MAGI2: variants seen among roughly 807,000 people sequenced by gnomAD.
MAGI2 encodes membrane-associated guanylate kinase, WW and PDZ domain-containing protein 2.
MAGI2 carries 35 observed loss-of-function variants against 133.3 expected under a neutral mutation model. That is an observed-to-expected ratio of 0.26 (90% confidence interval 0.20 to 0.35). The LOEUF is 0.35. Ranked by LOEUF, MAGI2 falls within the 10% of genes least tolerant of loss-of-function variation. The pLI is 1.00. For missense variants in MAGI2, 1,636 were observed against 1,863.4 expected (o/e 0.88, Z 2.25); for synonymous variants, 729 against 710.6 (o/e 1.03, Z -0.41).
At chr7:79,118,792 T>TC (rs1388946777) in intron 1 of MAGI2, among the ~76,000 whole-genome samples, 21 of 152,090 alleles carry the variant, frequency 1.4e-4, no homozygotes, top group African/African-American at 5.1e-4. Flanking sequence ...CCATGACTAC[T>TC]CCCCCAAGCA....
intron 1 of MAGI2, among the ~76,000 whole-genome samples, chr7:79,368,819 G>C (rs1842886587): frequency 7.7e-6 from 1 of 130,266 alleles, no homozygotes; most frequent in African/African-American, 2.9e-5. Flanking sequence ...CTGCACTCCA[G>C]CCTGGGCGAC....
intron 1 of MAGI2, among the ~76,000 whole-genome samples, chr7:79,425,183 C>T (rs1847251512): frequency 6.6e-6 from 1 of 150,494 alleles, no homozygotes; most frequent in Non-Finnish European, 1.5e-5. Context: ...ACCCAGGCAT[C>T]GGAGGTTGCA....
At chr7:79,076,259 T>C (rs986263799) in intron 1 of MAGI2, among the ~76,000 whole-genome samples, 2 of 152,276 alleles carry the variant, frequency 1.3e-5, no homozygotes, top group African/African-American at 4.8e-5. Flanking sequence ...TACTAACTAG[T>C]TTAGTTTTAA....
intron 1 of MAGI2, among the ~76,000 whole-genome samples, chr7:79,231,897 T>G (rs142589483): frequency 0.6 from 91,745 of 151,800 alleles, 29,081 homozygotes; most frequent in Non-Finnish European, 0.7. Flanking sequence ...TGCTTCCAGT[T>G]TTTGCCCATT....
At chr7:79,334,587 G>A (rs1039750635) in intron 1 of MAGI2, among the ~76,000 whole-genome samples, 1 of 152,012 alleles carries the variant, frequency 6.6e-6, no homozygotes, top group Admixed American at 6.6e-5. Context: ...CCATATCTAT[G>A]TATGCCCAGG....
chr7:78,392,886 G>A (rs773019246), intron 6 of MAGI2, among the ~76,000 whole-genome samples: 8 of 151,858 alleles, frequency 5.3e-5, no homozygotes, highest in Non-Finnish European at 8.8e-5. Context: ...CAGGTGATTC[G>A]CCAACCTCAG....
intron 6 of MAGI2, among the ~76,000 whole-genome samples, chr7:78,371,103 T>C (rs999257413): frequency 7.2e-5 from 11 of 151,892 alleles, no homozygotes; most frequent in South Asian, 2.1e-4. Flanking sequence ...AGAAACTCTG[T>C]TTAACAAGGC....
intron 7 of MAGI2, among the ~76,000 whole-genome samples, chr7:78,366,794 C>G (rs1585021847): frequency 1.3e-5 from 2 of 152,192 alleles, no homozygotes; most frequent in South Asian, 4.1e-4. Flanking sequence ...TCTCAGTTTT[C>G]TGTGTGGCCT....
chr7:79,354,463 G>A (rs1841887823), intron 1 of MAGI2: 1 of 152,310 alleles, frequency 6.6e-6, no homozygotes, highest in African/African-American at 2.4e-5. Context: ...AGAATACTAG[G>A]TGGGCAGGGT....
intron 1 of MAGI2, among the ~76,000 whole-genome samples, chr7:79,347,126 A>C (rs1397543474): frequency 2.0e-5 from 3 of 151,896 alleles, no homozygotes; most frequent in Non-Finnish European, 4.4e-5. Flanking sequence ...TTGCCCTAAC[A>C]TGGCTTGAAC....
At chr7:78,040,049 C>G (rs1240142676) in intron 21 of MAGI2, among the ~76,000 whole-genome samples, 1 of 152,186 alleles carries the variant, frequency 6.6e-6, no homozygotes, top group African/African-American at 2.4e-5. Context: ...CAGCTCCTAG[C>G]ATACGTGCAA....
chr7:78,823,166 G>C (rs998232307), intron 2 of MAGI2, among the ~76,000 whole-genome samples: 2 of 152,336 alleles, frequency 1.3e-5, no homozygotes, highest in South Asian at 4.1e-4. Context: ...ATTTTAAATA[G>C]ATAAGTTCGT....
intron 4 of MAGI2, among the ~76,000 whole-genome samples, chr7:78,513,892 C>T (rs1043225939): frequency 1.3e-5 from 2 of 151,918 alleles, no homozygotes; most frequent in Admixed American, 1.3e-4. Flanking sequence ...AGTTGGAGAC[C>T]AGCCTGACCA....
chr7:78,653,108 T>C (rs1563300828), intron 2 of MAGI2, among the ~76,000 whole-genome samples: 2 of 152,194 alleles, frequency 1.3e-5, no homozygotes, highest in Non-Finnish European at 1.5e-5. Context: ...CCCGTTAGAA[T>C]GGCGATCATT....
At chr7:79,220,142 T>A (rs902355597) in intron 1 of MAGI2, among the ~76,000 whole-genome samples, 3 of 151,990 alleles carry the variant, frequency 2.0e-5, no homozygotes, top group Non-Finnish European at 2.9e-5. Context: ...ACCAACATAT[T>A]TACAGCACTC....
intron 4 of MAGI2, among the ~76,000 whole-genome samples, chr7:78,508,582 G>A (rs1450651810): frequency 6.6e-6 from 1 of 152,098 alleles, no homozygotes; most frequent in East Asian, 1.9e-4. Flanking sequence ...GACCTTACAC[G>A]CCAACCAAGC....
At chr7:79,136,730 T>C (rs1821615893) in intron 1 of MAGI2, among the ~76,000 whole-genome samples, 2 of 152,256 alleles carry the variant, frequency 1.3e-5, no homozygotes. Flanking sequence ...CTACTCATTT[T>C]ACTTTTTTCA....
intron 2 of MAGI2, among the ~76,000 whole-genome samples, chr7:78,944,806 T>G (rs911868293): frequency 2.6e-5 from 4 of 151,888 alleles, no homozygotes; most frequent in Admixed American, 1.3e-4. Context: ...GCACAATCAC[T>G]GCTCACTGCA....
chr7:78,827,484 C>T (rs933814664), intron 2 of MAGI2, among the ~76,000 whole-genome samples: 12 of 152,040 alleles, frequency 7.9e-5, no homozygotes, highest in African/African-American at 2.2e-4. Context: ...TGTATGTTGC[C>T]TAGGCTAGTA....
Sources: gnomAD v4.1 joint callset for allele counts (sites outside exome capture counted in the v4.1 genomes callset) on GRCh38, gnomAD v4.1.1 for gene constraint, MANE v1.5 for transcripts, NCBI Gene and HGNC (gene_info 2026-07-23, HGNC 2026-07-21) for gene names.